RHOBTB3: variants seen among roughly 807,000 people sequenced by gnomAD.
RHOBTB3 encodes Rho related BTB domain containing 3.
In RHOBTB3, 47 loss-of-function variants were observed where a neutral mutation model predicts 67.2. The ratio of observed to expected loss-of-function variants is 0.70; its 90% CI spans 0.55 to 0.89. The LOEUF (loss-of-function observed/expected upper bound fraction) is 0.89, where lower values mean the gene tolerates loss of function less well. Among genes scored for constraint, RHOBTB3 ranks in the 40% least tolerant of loss-of-function variants. The pLI is 0.00. For missense variants in RHOBTB3, 631 were observed against 750.0 expected, an observed-to-expected ratio of 0.84 and a Z score of 1.85; for synonymous variants, 273 against 274.2, an observed-to-expected ratio of 1.00 and a Z score of 0.04.
chr5:95,763,222 C>T (rs918140614), intron 6 of RHOBTB3, among the ~76,000 whole-genome samples: 1 of 152,184 alleles, frequency 6.6e-6, no homozygotes, highest in African/African-American at 2.4e-5. Context: ...CATGGGAACT[C>T]ATATTCTGAC....
At position 95,752,359 on chromosome 5, in the gene RHOBTB3, CT is replaced by C; in HGVS notation, c.682+11del. The C allele has an allele frequency of 6.6e-7, 1 of 1,510,938 alleles. No homozygotes were observed. The highest frequency in any genetic ancestry group is 9.2e-7 in the Non-Finnish European group (1 of 1,092,104). The allele number at this position is 1,510,938 out of a possible 1,614,324, so 93.6% of individuals were successfully genotyped here. On this transcript the variant is annotated intron_variant, in intron 5 of 11. Coordinates refer to ENST00000379982, the MANE Select transcript of RHOBTB3 (RefSeq NM_014899.4). The stretch of plus-strand genomic sequence containing the variant: ...TCAACTTGAACAACCAGGTGCATTT[CT>C]TAGCCAATGTCTAGACATTCATTAA...
At chr5:95,755,162 T>C (rs931171465) in intron 5 of RHOBTB3, among the ~76,000 whole-genome samples, 60 of 152,212 alleles carry the variant, frequency 3.9e-4, no homozygotes, top group African/African-American at 1.4e-3. Flanking sequence ...GTCTGTGTTA[T>C]AACATTCTAC....
intron 1 of RHOBTB3, among the ~76,000 whole-genome samples, chr5:95,718,417 C>A (rs76576394): frequency 0.032 from 4,803 of 152,234 alleles, 109 homozygotes; most frequent in South Asian, 0.046. Flanking sequence ...AAGTAAAGAA[C>A]GGATGTGGCT....
intron 4 of RHOBTB3, among the ~76,000 whole-genome samples, chr5:95,749,757 A>C (rs1745035946): frequency 6.6e-6 from 1 of 152,202 alleles, no homozygotes. Flanking sequence ...AGTTTTATGC[A>C]CTAGATTTGG....
At chr5:95,763,863 C>T (rs536807611) in intron 7 of RHOBTB3, among the ~76,000 whole-genome samples, 253 of 151,028 alleles carry the variant, frequency 1.7e-3, no homozygotes, top group Non-Finnish European at 2.9e-3. Context: ...GGTGGGAGTG[C>T]GTTGGCATGA....
chr5:95,792,604 AAC>A (rs1561459635), intron 11 of RHOBTB3, among the ~76,000 whole-genome samples: 1 of 151,706 alleles, frequency 6.6e-6, no homozygotes, highest in Non-Finnish European at 1.5e-5. Flanking sequence ...CATCCTGGCC[AAC>A]AAGGTAAAAC....
chr5:95,767,874 C>A, intron 7 of RHOBTB3, 172 bp from the exon 8 acceptor site: 1 of 724,996 alleles, frequency 1.4e-6, no homozygotes, highest in Non-Finnish European at 2.5e-6. Flanking sequence ...GACAGGCAGC[C>A]CATACAGTTC....
At chr5:95,731,182 C>T (rs1052636311), upstream of RHOBTB3, 3 of 1,007,032 alleles carry the variant, frequency 3.0e-6, no homozygotes, top group East Asian at 1.1e-4. Flanking sequence ...CCGCCGCCAC[C>T]GGAGCTCCCG....
chr5:95,731,772 G>A lies in RHOBTB3; in HGVS notation c.3-87G>A, dbSNP rs1019137973. 17 of 1,604,946 alleles carry A rather than the reference G, an allele frequency of 1.1e-5. No individual in the cohort carries two copies. The African/African-American group carries it at 2.0e-4, about 19-fold the overall frequency. ...AGGGGCTGGTGCCCATCCTCGCCGC[G>A]CGCTGTCCCCCGCACTTCCTGTTCC... On this transcript the variant is annotated intron_variant, in intron 1 of 11. Coordinates refer to ENST00000379982, the MANE Select transcript of RHOBTB3 (RefSeq NM_014899.4).
chr5:95,777,862 A>G (rs1042451637), intron 8 of RHOBTB3, among the ~76,000 whole-genome samples: 15 of 152,208 alleles, frequency 9.9e-5, no homozygotes, highest in Admixed American at 8.5e-4. Context: ...CACGCCTGTA[A>G]TGCCGGCACT....
chr5:95,728,136 T>A (rs1300369415), upstream of RHOBTB3, among the ~76,000 whole-genome samples: 1 of 152,220 alleles, frequency 6.6e-6, no homozygotes, highest in Admixed American at 6.5e-5. Context: ...CATTTAGCTA[T>A]CTTGGAAGAG....
chr5:95,741,416 G>A (rs767523519), intron 3 of RHOBTB3, among the ~76,000 whole-genome samples: 9 of 150,838 alleles, frequency 6.0e-5, no homozygotes, highest in Non-Finnish European at 1.0e-4. Flanking sequence ...TTATAGCTGG[G>A]GTTTATCATT....
chr5:95,755,365 T>G, intron 5 of RHOBTB3, 31 bp from the exon 6 acceptor site: 1 of 1,447,852 alleles, frequency 6.9e-7, no homozygotes, highest in South Asian at 1.7e-5. Context: ...CTGAAAGGAG[T>G]TTATTATTTT....
At chr5:95,748,863 C>T (rs1745004960) in intron 4 of RHOBTB3, among the ~76,000 whole-genome samples, 1 of 152,184 alleles carries the variant, frequency 6.6e-6, no homozygotes, top group Non-Finnish European at 1.5e-5. Flanking sequence ...CTTTCATTTC[C>T]ATCTACCAGT....
intron 10 of RHOBTB3, among the ~76,000 whole-genome samples, chr5:95,788,115 G>A (rs1237243180): frequency 1.3e-5 from 2 of 152,256 alleles, no homozygotes; most frequent in African/African-American, 4.8e-5. Flanking sequence ...GTGGTTGGAT[G>A]GATCAGTGAG....
intron 1 of RHOBTB3, chr5:95,717,824 T>C (rs1044050838): frequency 6.6e-6 from 1 of 152,208 alleles, no homozygotes; most frequent in Non-Finnish European, 1.5e-5. Flanking sequence ...GGTGAGAAGA[T>C]TGATTTAGAA....
At chr5:95,752,191 A>C in intron 4 of RHOBTB3, 48 bp from the exon 5 acceptor site, 1 of 1,121,926 alleles carries the variant, frequency 8.9e-7, no homozygotes, top group Non-Finnish European at 1.3e-6. Context: ...TTCATGTTGG[A>C]TATATAGTTT....
At chr5:95,788,996 G>A (rs1412279421) in intron 11 of RHOBTB3, 138 bp downstream of exon 11, 1 of 567,814 alleles carries the variant, frequency 1.8e-6, no homozygotes. Flanking sequence ...TATGCAGTGT[G>A]GTAATTGAGG....
At chr5:95,718,951 T>C (rs1024815400) in intron 1 of RHOBTB3, among the ~76,000 whole-genome samples, 1 of 152,112 alleles carries the variant, frequency 6.6e-6, no homozygotes, top group African/African-American at 2.4e-5. Flanking sequence ...GATAACTGAA[T>C]GTGTTGTTTT....
Sources: allele counts gnomAD v4.1 joint callset (sites outside exome capture counted in the v4.1 genomes callset), GRCh38; gene constraint gnomAD v4.1.1; transcripts MANE v1.5; gene names NCBI Gene and HGNC (gene_info 2026-07-23, HGNC 2026-07-21).